Variants in PPP3CA observed in about 807,000 individuals in gnomAD.
PPP3CA encodes the protein CAM-PRP catalytic subunit.
Under a neutral mutation model 66.5 loss-of-function variants are expected in PPP3CA, and 14 were observed. The observed-to-expected ratio is 0.21, with a 90% CI of 0.14 to 0.33. PPP3CA has a LOEUF of 0.33. PPP3CA is among the 10% of genes least tolerant of loss of function. The pLI, the probability that PPP3CA is intolerant of heterozygous loss-of-function variation, is 1.00. For missense variants in PPP3CA, 317 were observed against 639.5 expected (o/e 0.50, Z 5.44); for synonymous variants, 232 against 226.2 (o/e 1.03, Z -0.23).
At chr4:101,029,136 G>A (rs1318278261) in intron 13 of PPP3CA, 30 bp downstream of exon 13, 4 of 1,559,916 alleles carry the variant, frequency 2.6e-6, no homozygotes, top group African/African-American at 2.7e-5. Context: ...TCTGTTGCAG[G>A]TACAACAGAA....
At chr4:101,311,909 G>A (rs532158693) in intron 1 of PPP3CA, among the ~76,000 whole-genome samples, 117 of 152,216 alleles carry the variant, frequency 7.7e-4, no homozygotes, top group Non-Finnish European at 1.5e-3. Context: ...TTCCACTCAA[G>A]GTAGTTATGA....
chr4:101,195,456 G>C (rs1033258946), intron 2 of PPP3CA, among the ~76,000 whole-genome samples: 1 of 152,048 alleles, frequency 6.6e-6, no homozygotes, highest in Non-Finnish European at 1.5e-5. Flanking sequence ...CTGGAGTGGG[G>C]CCTAAGAATG....
intron 10 of PPP3CA, among the ~76,000 whole-genome samples, chr4:101,045,429 C>T (rs1036900679): frequency 6.6e-6 from 1 of 152,124 alleles, no homozygotes; most frequent in Admixed American, 6.5e-5. Context: ...TGCTACAAAC[C>T]GGGGCCATTT....
In PPP3CA at chr4:101,103,223, G is replaced by A. The variant is rs117170384; in HGVS notation, c.385-3501C>T. Among the ~76,000 whole-genome samples the A allele has an allele frequency of 2.2e-4, 34 of 152,218 alleles. No homozygotes were observed. The East Asian group carries it at 6.0e-3, about 27-fold the overall frequency. ...AGAAGGATGTAAAAGAGGAAGCAAG[G>A]AAGTAAAAAAGAAAATGGACAGCTT... On this transcript the variant is annotated intron_variant, in intron 3 of 13. Transcript: ENST00000394854.
intron 1 of PPP3CA, among the ~76,000 whole-genome samples, chr4:101,299,016 C>T (rs1306611596): frequency 6.6e-6 from 1 of 151,354 alleles, no homozygotes; most frequent in Non-Finnish European, 1.5e-5. Flanking sequence ...TATTATTTCC[C>T]CATAGAAAAC....
intron 3 of PPP3CA, 66 bp downstream of exon 3, chr4:101,108,888 C>T (rs1721544496): frequency 2.0e-6 from 3 of 1,506,802 alleles, no homozygotes; most frequent in Admixed American, 1.8e-5. Flanking sequence ...ACATTTACTG[C>T]TTTTATTTTT....
At chr4:101,338,648 C>T (rs1158477607) in intron 1 of PPP3CA, among the ~76,000 whole-genome samples, 1 of 152,122 alleles carries the variant, frequency 6.6e-6, no homozygotes, top group Admixed American at 6.5e-5. Flanking sequence ...GGAAGAGGCT[C>T]AATTCCTTTA....
intron 2 of PPP3CA, among the ~76,000 whole-genome samples, chr4:101,153,395 T>A: frequency 6.6e-6 from 1 of 152,374 alleles, no homozygotes; most frequent in South Asian, 2.1e-4. Context: ...GTTTATTTCA[T>A]CTTTCTTAAT....
chr4:101,063,349 A>G lies in PPP3CA; in HGVS notation c.964T>C (p.Leu322=), dbSNP rs1371874169. Residue 322 remains leucine (L), a synonymous_variant, in exon 9 of 14, where the codon TTG becomes CTG. Transcript: ENST00000394854. ...TTCATAACATTGTTCTCATACTTCA[A>G]TACTGCAGCTAAAAATAACCAAAAG... ...LDVYNNKAAV[L]KYENNVMNIR... is the part of the protein sequence containing the mutation. The G allele has an allele frequency of 1.2e-6, 2 of 1,607,512 alleles. No homozygotes were observed. Among genetic ancestry groups the G allele is most frequent in the Admixed American group, 3.4e-5 (2 of 59,352 alleles).
intron 2 of PPP3CA, among the ~76,000 whole-genome samples, chr4:101,143,792 A>C (rs1722881661): frequency 6.6e-6 from 1 of 152,168 alleles, no homozygotes; most frequent in African/African-American, 2.4e-5. Flanking sequence ...AGATCTCCCA[A>C]ATGAACTCCA....
intron 2 of PPP3CA, among the ~76,000 whole-genome samples, chr4:101,151,953 G>T (rs1723157571): frequency 6.6e-6 from 1 of 152,158 alleles, no homozygotes; most frequent in African/African-American, 2.4e-5. Flanking sequence ...ACTGCACCCA[G>T]CCAAGTTTCC....
chr4:101,190,602 G>A (rs1429524194), intron 2 of PPP3CA, among the ~76,000 whole-genome samples: 1 of 152,098 alleles, frequency 6.6e-6, no homozygotes, highest in Non-Finnish European at 1.5e-5. Flanking sequence ...TTACCACTCA[G>A]CTCACTGATA....
At chr4:101,057,060 C>CTTT (rs60282854) in intron 10 of PPP3CA, among the ~76,000 whole-genome samples, 1 of 145,060 alleles carries the variant, frequency 6.9e-6, no homozygotes. Flanking sequence ...GTAGAATATA[C>CTTT]TTTTTTTTTT....
At chr4:101,295,447 G>A (rs569174711) in intron 1 of PPP3CA, among the ~76,000 whole-genome samples, 10 of 152,002 alleles carry the variant, frequency 6.6e-5, no homozygotes, top group Non-Finnish European at 1.3e-4. Context: ...TTACACAGGT[G>A]GAAAAACCTC....
chr4:101,241,013 G>A (rs2110233694), intron 1 of PPP3CA: 1 of 152,244 alleles, frequency 6.6e-6, no homozygotes, highest in African/African-American at 2.4e-5. Context: ...AGGAACAGGT[G>A]CGCACTACCA....
At chr4:101,118,519 C>G (rs936950160) in intron 2 of PPP3CA, among the ~76,000 whole-genome samples, 3 of 151,604 alleles carry the variant, frequency 2.0e-5, no homozygotes, top group Non-Finnish European at 4.4e-5. Context: ...TTCTTCTTCA[C>G]TCAGATTTTT....
intron 2 of PPP3CA, among the ~76,000 whole-genome samples, chr4:101,172,802 T>C (rs1012398269): frequency 2.6e-5 from 4 of 152,192 alleles, no homozygotes; most frequent in Non-Finnish European, 5.9e-5. Flanking sequence ...CATAACTCTC[T>C]AAGTTCTCAT....
At position 101,347,315 on chromosome 4, in the gene PPP3CA, GGCC is replaced by G. The variant is rs1730046892; in HGVS notation, c.-522_-520del. 1 of 200,428 alleles carries G rather than the reference GGCC, an allele frequency of 5.0e-6. No individual in the cohort carries two copies. The highest frequency in any genetic ancestry group is 9.8e-6 in the Non-Finnish European group (1 of 102,086). 12.4% of individuals were successfully genotyped at this position (200,428 alleles called of 1,614,324 possible). ...TTGGCGTCCCCGGCGGCGGAGAGGC[GGCC>G]GCCGCTGCTGCCGCTGCTGCTGCCG... is the stretch of plus-strand genomic sequence containing the variant. On this transcript the variant is annotated 5_prime_UTR_variant, in exon 1 of 14. Transcript: ENST00000394854.
At chr4:101,145,097 G>C (rs1722927520) in intron 2 of PPP3CA, among the ~76,000 whole-genome samples, 1 of 151,924 alleles carries the variant, frequency 6.6e-6, no homozygotes, top group African/African-American at 2.4e-5. Context: ...ATTTCTCATG[G>C]ACTGTGATGT....
Sources: allele counts gnomAD v4.1 joint callset (sites outside exome capture counted in the v4.1 genomes callset), GRCh38; gene constraint gnomAD v4.1.1; transcripts MANE v1.5; gene names NCBI Gene and HGNC (gene_info 2026-07-23, HGNC 2026-07-21).